DPP10: variants seen among roughly 807,000 people sequenced by gnomAD.
DPP10 encodes the protein inactive dipeptidyl peptidase 10.
In DPP10, 33 loss-of-function variants were observed where a neutral mutation model predicts 120.9. The observed-to-expected ratio is 0.27, with a 90% CI of 0.21 to 0.37. DPP10 has a LOEUF of 0.37. Among genes scored for constraint, DPP10 ranks in the 10% least tolerant of loss-of-function variants. DPP10 has a pLI of 1.00. For missense variants in DPP10, 816 were observed against 942.8 expected, an observed-to-expected ratio of 0.87 and a Z score of 1.76; for synonymous variants, 337 against 326.1, an observed-to-expected ratio of 1.03 and a Z score of -0.36.
intron 1 of DPP10, among the ~76,000 whole-genome samples, chr2:114,618,916 G>A (rs1270361334): frequency 2.0e-5 from 3 of 151,986 alleles, no homozygotes; most frequent in South Asian, 2.1e-4. Flanking sequence ...GATGAAAGTC[G>A]TAATTTCTAC....
intron 5 of DPP10, among the ~76,000 whole-genome samples, chr2:115,650,378 A>C (rs1463919702): frequency 7.3e-6 from 1 of 136,100 alleles, no homozygotes. Flanking sequence ...AAGCATTGGC[A>C]TCCAGATAAA....
At chr2:114,633,836 A>G (rs1695124324) in intron 1 of DPP10, among the ~76,000 whole-genome samples, 2 of 151,694 alleles carry the variant, frequency 1.3e-5, no homozygotes, top group Non-Finnish European at 2.9e-5. Context: ...ACTGGTCTTG[A>G]ACTCCTGACC....
At chr2:114,837,242 A>T (rs914100905) in intron 1 of DPP10, among the ~76,000 whole-genome samples, 1 of 152,182 alleles carries the variant, frequency 6.6e-6, no homozygotes, top group Admixed American at 6.5e-5. Flanking sequence ...CAGGCATAAG[A>T]AATTATAAAA....
In DPP10 at chr2:115,845,701, G is replaced by T. The variant is rs1690563447; in HGVS notation, c.*3356G>T. ...CCCCTCCACAAGAAATTATCACTGT[G>T]AATATTACAGGAGGAGAAATAAAAT... On this transcript the variant is annotated 3_prime_UTR_variant, in exon 26 of 26. Transcript: ENST00000410059. 2 of 152,124 alleles carry T rather than the reference G, an allele frequency of 1.3e-5. No individual in the cohort carries two copies. Among genetic ancestry groups the T allele is most frequent in the Non-Finnish European group, 2.9e-5 (2 of 68,030 alleles). The allele number at this position is 152,124 out of a possible 1,614,324, so 9.4% of individuals were successfully genotyped here. A position where few individuals can be genotyped will look rare whatever the true frequency, so the allele number is the denominator to read the frequency against.
chr2:114,748,353 T>TA (rs1553418224), intron 1 of DPP10, among the ~76,000 whole-genome samples: 1 of 133,906 alleles, frequency 7.5e-6, no homozygotes, highest in African/African-American at 3.0e-5. Flanking sequence ...TTTTTTTTAT[T>TA]TTTTTTTATT....
chr2:115,541,017 G>A (rs1202556794), intron 5 of DPP10, among the ~76,000 whole-genome samples: 1 of 151,750 alleles, frequency 6.6e-6, no homozygotes, highest in African/African-American at 2.4e-5. Flanking sequence ...ATTTATTGAA[G>A]GGATGCAAAA....
At chr2:115,112,799 T>C (rs550951609) in intron 1 of DPP10, among the ~76,000 whole-genome samples, 8 of 152,220 alleles carry the variant, frequency 5.3e-5, no homozygotes, top group Non-Finnish European at 1.2e-4. Flanking sequence ...GCGACTATAG[T>C]TAATAATTCT....
chr2:115,718,908 T>C (rs2092573530), intron 7 of DPP10, among the ~76,000 whole-genome samples: 1 of 152,104 alleles, frequency 6.6e-6, no homozygotes, highest in Non-Finnish European at 1.5e-5. Context: ...AAAACCATCT[T>C]CTAGCACTTC....
intron 2 of DPP10, among the ~76,000 whole-genome samples, chr2:115,319,223 CTT>C (rs1285671666): frequency 2.0e-5 from 3 of 152,100 alleles, no homozygotes; most frequent in Non-Finnish European, 4.4e-5. Flanking sequence ...CTGAGCCACT[CTT>C]ATATTCCTGG....
intron 12 of DPP10, among the ~76,000 whole-genome samples, chr2:115,766,881 G>T (rs570180085): frequency 6.6e-6 from 1 of 152,076 alleles, no homozygotes; most frequent in Non-Finnish European, 1.5e-5. Flanking sequence ...AGCACCCAGC[G>T]GTTACTGCTA....
At chr2:115,049,211 G>T (rs989544153) in intron 1 of DPP10, among the ~76,000 whole-genome samples, 1 of 151,736 alleles carries the variant, frequency 6.6e-6, no homozygotes, top group Non-Finnish European at 1.5e-5. Flanking sequence ...ATTTTATTAT[G>T]ATACAAATAA....
At chr2:114,867,033 T>C (rs1274270073) in intron 1 of DPP10, among the ~76,000 whole-genome samples, 1 of 152,254 alleles carries the variant, frequency 6.6e-6, no homozygotes, top group Non-Finnish European at 1.5e-5. Context: ...GATGAATTTC[T>C]GTTCTGTATT....
At chr2:115,375,265 T>C (rs531334239) in intron 3 of DPP10, among the ~76,000 whole-genome samples, 1 of 152,300 alleles carries the variant, frequency 6.6e-6, no homozygotes, top group East Asian at 1.9e-4. Flanking sequence ...ATAATCTCTC[T>C]CAAGTTGAAA....
intron 7 of DPP10, among the ~76,000 whole-genome samples, chr2:115,725,389 C>CAA (rs2092742427): frequency 6.6e-6 from 1 of 152,144 alleles, no homozygotes; most frequent in Admixed American, 6.5e-5. Context: ...TTCATGAAGA[C>CAA]AGCTACTTAT....
chr2:115,441,284 C>T (rs1162851551), intron 3 of DPP10, among the ~76,000 whole-genome samples: 3 of 152,058 alleles, frequency 2.0e-5, no homozygotes, highest in South Asian at 2.1e-4. Flanking sequence ...TACTGAATCC[C>T]GAGTTGGGAT....
At chr2:114,443,121 G>A (rs1165498698) in intron 1 of DPP10, among the ~76,000 whole-genome samples, 1 of 151,898 alleles carries the variant, frequency 6.6e-6, no homozygotes, top group South Asian at 2.1e-4. Flanking sequence ...GTCTAGAAGA[G>A]TTTCCAGTCC....
intron 1 of DPP10, among the ~76,000 whole-genome samples, chr2:114,938,847 C>G (rs1696683535): frequency 6.6e-6 from 1 of 151,444 alleles, no homozygotes. Flanking sequence ...CATCATCCTC[C>G]CACTTTTAAA....
At chr2:115,732,664 C>T (rs1036106637) in intron 8 of DPP10, among the ~76,000 whole-genome samples, 12 of 152,094 alleles carry the variant, frequency 7.9e-5, no homozygotes, top group Admixed American at 3.3e-4. Flanking sequence ...ACCCACTTCA[C>T]AGCTTTGAAA....
At chr2:115,136,669 C>A (rs1001917075) in intron 1 of DPP10, among the ~76,000 whole-genome samples, 1 of 151,594 alleles carries the variant, frequency 6.6e-6, no homozygotes, top group South Asian at 2.1e-4. Context: ...AAAAAAAAAA[C>A]CATAAAGCAG....
Sources: gnomAD v4.1 joint callset for allele counts (sites outside exome capture counted in the v4.1 genomes callset) on GRCh38, gnomAD v4.1.1 for gene constraint, MANE v1.5 for transcripts, NCBI Gene and HGNC (gene_info 2026-07-23, HGNC 2026-07-21) for gene names.